The following ROBO2 variants were observed in gnomAD, a reference collection of about 807,000 sequenced individuals.
The protein encoded by ROBO2 is roundabout homolog 2.
ROBO2 carries 53 observed loss-of-function variants against 160.8 expected under a neutral mutation model. That is an observed-to-expected ratio of 0.33 (90% CI 0.26 to 0.41). The LOEUF is 0.41. Ranked by LOEUF, ROBO2 falls within the 10% of genes least tolerant of loss-of-function variation. ROBO2 has a pLI of 1.00. For synonymous variants in ROBO2, 664 were observed against 611.7 expected, an observed-to-expected ratio of 1.09 and a Z score of -1.26; for missense variants, 1,577 against 1,722.4, an observed-to-expected ratio of 0.92 and a Z score of 1.49.
intron 2 of ROBO2, among the ~76,000 whole-genome samples, chr3:77,166,836 G>C (rs2079138530): frequency 6.6e-6 from 1 of 152,218 alleles, no homozygotes; most frequent in African/African-American, 2.4e-5. Context: ...TGGGATTACA[G>C]GCGTGAGCCC....
chr3:76,030,001 A>G lies in ROBO2; in HGVS notation c.109+92399A>G, dbSNP rs558973971. Among the ~76,000 whole-genome samples, 9 of 152,202 alleles carry G rather than the reference A, an allele frequency of 5.9e-5. No individual in the cohort carries two copies. In the South Asian group the frequency reaches 1.0e-3, roughly 18 times the overall value. ...CCACCAACAGTGTAAAAGTGTTCCTATTTCTCCACATCCTCTCCAGCACCT... is the reference window on the plus strand; with the variant it reads ...CCACCAACAGTGTAAAAGTGTTCCTGTTTCTCCACATCCTCTCCAGCACCT... On this transcript the variant is annotated intron_variant, in intron 2 of 26. Coordinates refer to the ROBO2 transcript ENST00000487694.
intron 13 of ROBO2, 85 bp downstream of exon 14, chr3:77,568,519 T>A: frequency 6.6e-7 from 1 of 1,506,876 alleles, no homozygotes; most frequent in Non-Finnish European, 9.2e-7. Flanking sequence ...CAAAGAGTGA[T>A]AATAAAAATT....
chr3:77,616,309 A>G (rs921525239), intron 21 of ROBO2, among the ~76,000 whole-genome samples: 1 of 152,176 alleles, frequency 6.6e-6, no homozygotes, highest in Non-Finnish European at 1.5e-5. Context: ...TGCGAGATTA[A>G]GCTGGAAAGA....
At chr3:76,640,369 A>G (rs1216115559) in intron 2 of ROBO2, among the ~76,000 whole-genome samples, 2 of 152,006 alleles carry the variant, frequency 1.3e-5, no homozygotes, top group Non-Finnish European at 2.9e-5. Flanking sequence ...CGTCTCTACT[A>G]AAAATACAAA....
intron 2 of ROBO2, among the ~76,000 whole-genome samples, chr3:76,944,220 A>G (rs1577698667): frequency 6.6e-6 from 1 of 152,188 alleles, no homozygotes; most frequent in African/African-American, 2.4e-5. Context: ...AATATTTTGT[A>G]TACATACTAC....
intron 2 of ROBO2, among the ~76,000 whole-genome samples, chr3:75,995,653 C>T (rs937061807): frequency 2.6e-5 from 4 of 152,144 alleles, no homozygotes; most frequent in Admixed American, 1.3e-4. Context: ...TACAGTCCTC[C>T]AGACCCCAGA....
At chr3:75,980,908 AAAAT>A (rs199727645) in intron 2 of ROBO2, among the ~76,000 whole-genome samples, 1 of 56,438 alleles carries the variant, frequency 1.8e-5, no homozygotes, top group Non-Finnish European at 5.0e-5. Context: ...CATTGATGTT[AAAAT>A]AAATATTTAC....
At chr3:77,144,848 T>A (rs1265245302) in intron 2 of ROBO2, among the ~76,000 whole-genome samples, 1 of 152,188 alleles carries the variant, frequency 6.6e-6, no homozygotes, top group African/African-American at 2.4e-5. Context: ...TACCAGATAG[T>A]TGTGGGCCTT....
chr3:76,736,380 C>A (rs13075675), intron 2 of ROBO2, among the ~76,000 whole-genome samples: 98,276 of 151,876 alleles, frequency 0.65, 31,898 homozygotes, highest in African/African-American at 0.7. Flanking sequence ...TTAGTGTTGT[C>A]CTAGTTTGTG....
At chr3:76,787,586 T>A (rs981024616) in intron 2 of ROBO2, among the ~76,000 whole-genome samples, 1 of 151,450 alleles carries the variant, frequency 6.6e-6, no homozygotes, top group African/African-American at 2.4e-5. Flanking sequence ...TATCTTTTGT[T>A]ATCTATAAGT....
At chr3:77,600,621 T>A (rs2094411618) in intron 19 of ROBO2, among the ~76,000 whole-genome samples, 1 of 152,274 alleles carries the variant, frequency 6.6e-6, no homozygotes, top group Non-Finnish European at 1.5e-5. Flanking sequence ...AGTTGGGGAA[T>A]CAAGTATATT....
At chr3:76,277,921 TTTTTTG>T (rs1708020409) in intron 2 of ROBO2, among the ~76,000 whole-genome samples, 1 of 151,096 alleles carries the variant, frequency 6.6e-6, no homozygotes, top group African/African-American at 2.4e-5. Context: ...AAAGTTACAG[TTTTTTG>T]TTTTTTTTTT....
chr3:76,215,409 T>C (rs4856017), intron 2 of ROBO2, among the ~76,000 whole-genome samples: 148,026 of 152,152 alleles, frequency 0.97, 72,139 homozygotes, highest in East Asian at 1. Flanking sequence ...TTAAAAACTT[T>C]GAAAAAAAAT....
At chr3:76,748,905 G>A (rs951055794) in intron 2 of ROBO2, among the ~76,000 whole-genome samples, 1 of 151,782 alleles carries the variant, frequency 6.6e-6, no homozygotes. Context: ...ATCATGATTT[G>A]TAATATTAAA....
intron 2 of ROBO2, among the ~76,000 whole-genome samples, chr3:77,468,035 A>G (rs1164054371): frequency 6.6e-6 from 1 of 152,166 alleles, no homozygotes; most frequent in East Asian, 1.9e-4. Context: ...TTTGGACACA[A>G]TCTCTAACTT....
chr3:76,200,029 T>C (rs1702449167), intron 2 of ROBO2, among the ~76,000 whole-genome samples: 1 of 152,138 alleles, frequency 6.6e-6, no homozygotes, highest in African/African-American at 2.4e-5. Context: ...AAAAAACAAC[T>C]TTTTTCTCTA....
chr3:76,781,560 C>T (rs2062646675), intron 2 of ROBO2, among the ~76,000 whole-genome samples: 1 of 150,680 alleles, frequency 6.6e-6, no homozygotes, highest in African/African-American at 2.4e-5. Flanking sequence ...TTATGTTGTA[C>T]ATTTCTTCTA....
At chr3:76,504,886 T>C (rs1165720093) in intron 2 of ROBO2, among the ~76,000 whole-genome samples, 2 of 152,146 alleles carry the variant, frequency 1.3e-5, no homozygotes, top group East Asian at 3.9e-4. Context: ...CGTTAGGCTA[T>C]TGATGATAGT....
intron 2 of ROBO2, among the ~76,000 whole-genome samples, chr3:76,987,245 C>A (rs1165202099): frequency 6.6e-6 from 1 of 152,190 alleles, no homozygotes; most frequent in East Asian, 1.9e-4. Flanking sequence ...ATAATATCTG[C>A]AATTTAATAC....
Sources: gnomAD v4.1 joint callset for allele counts (sites outside exome capture counted in the v4.1 genomes callset) on GRCh38, gnomAD v4.1.1 for gene constraint, MANE v1.5 for transcripts, NCBI Gene and HGNC (gene_info 2026-07-23, HGNC 2026-07-21) for gene names.